The following BIN2 variants were observed in gnomAD, a reference collection of about 807,000 sequenced individuals.
The protein encoded by BIN2 is bridging integrator 2.
A neutral mutation model predicts 67.9 loss-of-function variants in BIN2; 43 were observed. The ratio of observed to expected loss-of-function variants is 0.63; its 90% CI spans 0.50 to 0.82. BIN2 has a LOEUF of 0.82. Ranked by LOEUF, BIN2 falls within the 40% of genes least tolerant of loss-of-function variation. The probability of loss-of-function intolerance (pLI) is 0.00; values close to 1 mark genes in which losing one functional copy is unlikely to be tolerated. For missense variants in BIN2, 581 were observed against 671.6 expected, an observed-to-expected ratio of 0.87 and a Z score of 1.49; for synonymous variants, 244 against 246.8, an observed-to-expected ratio of 0.99 and a Z score of 0.11.
In BIN2 at chr12:51,289,025, G is replaced by C. The variant is rs563035644; in HGVS notation, c.1516-837C>G. The stretch of plus-strand genomic sequence containing the variant: ...AGCCTCCCGAAGTGCTGGGATTACA[G>C]GCGTGAGCCACTGCGCCCGGCCCTT... On this transcript the variant is annotated intron_variant, in intron 10 of 12. Transcript: ENST00000615107. Among the ~76,000 whole-genome samples, 16 of 152,186 alleles carry C rather than the reference G, an allele frequency of 1.1e-4. No homozygotes were observed. In the South Asian group the frequency reaches 2.9e-3, roughly 28 times the overall value.
chr12:51,292,118 AG>A lies in BIN2; in HGVS notation c.987del (p.Ser330ProfsTer45), dbSNP rs965504112. ...EEIEKEGSEA[S>X]SSEEDEPLPA... is the part of the protein sequence containing the mutation. ...GGTAGAGGCTCATCTTCCTCAGAGG[AG>A]CTTGCTTCAGATCCTTCCTTCTCTA... On this transcript the variant is annotated frameshift_variant, in exon 10 of 13. Transcript: ENST00000615107. LOFTEE classifies it high-confidence loss of function. 2 of 1,613,872 alleles carry A rather than the reference AG, an allele frequency of 1.2e-6. No individual in the cohort carries two copies. Among genetic ancestry groups the A allele is most frequent in the African/African-American group, 2.7e-5 (2 of 74,860 alleles).
rs1173895595 is a variant in BIN2 at position 51,302,682 on chromosome 12, T to A, written c.312+4A>T. The A allele has an allele frequency of 6.2e-7, 1 of 1,611,926 alleles. No individual in the cohort carries two copies. Among genetic ancestry groups the A allele is most frequent in the Non-Finnish European group, 8.5e-7 (1 of 1,178,130 alleles). On this transcript the variant is annotated splice_donor_region_variant and intron_variant, in intron 4 of 12. Coordinates refer to ENST00000615107, the MANE Select transcript of BIN2 (RefSeq NM_016293.4). ...ATAAGTTGTAAAACTCAAGCCACTC[T>A]TACCCATACGATGGCCTTCAGCTCC...
chr12:51,295,633 T>C (rs1945545228), intron 9 of BIN2, among the ~76,000 whole-genome samples, 163 bp downstream of exon 9: 1 of 117,388 alleles, frequency 8.5e-6, no homozygotes, highest in African/African-American at 3.3e-5. Flanking sequence ...TATATATATT[T>C]AGTAAAAAGC....
intron 2 of BIN2, among the ~76,000 whole-genome samples, chr12:51,310,927 T>G (rs1241149089): frequency 6.6e-6 from 1 of 151,720 alleles, no homozygotes; most frequent in African/African-American, 2.4e-5. Context: ...ACCAGCTAAT[T>G]TTTGTATTTT....
chr12:51,296,538 A>G (rs1472400974), intron 8 of BIN2, among the ~76,000 whole-genome samples: 3 of 152,012 alleles, frequency 2.0e-5, no homozygotes, highest in Admixed American at 6.6e-5. Context: ...AATATTAACT[A>G]GGCAAATCAT....
intron 11 of BIN2, among the ~76,000 whole-genome samples, chr12:51,287,336 T>G (rs1169058827): frequency 6.6e-6 from 1 of 150,744 alleles, no homozygotes; most frequent in South Asian, 2.1e-4. Flanking sequence ...TTGTTTTTTT[T>G]TGTTTTTTTT....
intron 4 of BIN2, 86 bp downstream of exon 4, chr12:51,302,600 A>G (rs556688841): frequency 2.6e-6 from 3 of 1,167,628 alleles, no homozygotes; most frequent in Non-Finnish European, 3.8e-6. Context: ...TTGTTTTCCT[A>G]TTTTCTTGGA....
rs1349446482 is a variant in BIN2, at chr12:51,302,883, A to G, written c.218-103T>C. 5 of 1,209,334 alleles carry G rather than the reference A, an allele frequency of 4.1e-6. No individual in the cohort carries two copies. The African/African-American group carries it at 4.5e-5, about 11-fold the overall frequency. The allele number at this position is 1,209,334 out of a possible 1,614,324, so 74.9% of individuals were successfully genotyped here. A position where few individuals can be genotyped will look rare whatever the true frequency, so the allele number is the denominator to read the frequency against. On this transcript the variant is annotated intron_variant, in intron 3 of 12. Coordinates refer to ENST00000615107, the MANE Select transcript of BIN2 (RefSeq NM_016293.4). ...GGTTCCAATTCAGAAGGACAAACTC[A>G]GAAGGTTTAGGTTATATAAGTGAGG...
chr12:51,314,795 GT>G (rs1343420474), intron 1 of BIN2, among the ~76,000 whole-genome samples: 1 of 145,562 alleles, frequency 6.9e-6, no homozygotes, highest in Non-Finnish European at 1.5e-5. Context: ...GCGAAACTCT[GT>G]CTCAAAAAAA....
At chr12:51,287,327 TG>T (rs1212374331) in intron 11 of BIN2, among the ~76,000 whole-genome samples, 2 of 150,532 alleles carry the variant, frequency 1.3e-5, no homozygotes, top group East Asian at 4.0e-4. Flanking sequence ...AAGGAAAAGT[TG>T]TTTTTTTTTG....
At chr12:51,283,380 G>A (rs1039713741) in intron 12 of BIN2, among the ~76,000 whole-genome samples, 1 of 152,050 alleles carries the variant, frequency 6.6e-6, no homozygotes, top group African/African-American at 2.4e-5. Flanking sequence ...AGGTCCATTT[G>A]TGGTAGTGCC....
intron 5 of BIN2, among the ~76,000 whole-genome samples, chr12:51,300,828 C>A (rs145199450): frequency 6.6e-6 from 1 of 152,276 alleles, no homozygotes; most frequent in African/African-American, 2.4e-5. Flanking sequence ...GAGTCTATTT[C>A]ATTTCATTTT....
chr12:51,320,948 C>CAG (rs1185543010), intron 1 of BIN2, among the ~76,000 whole-genome samples: 37 of 151,418 alleles, frequency 2.4e-4, no homozygotes, highest in African/African-American at 8.7e-4. Context: ...CACACACACA[C>CAG]ACACAAACAC....
intron 8 of BIN2, 45 bp from the exon 9 acceptor site, chr12:51,295,923 C>G (rs749771729): frequency 1.3e-6 from 2 of 1,518,596 alleles, no homozygotes; most frequent in South Asian, 2.3e-5. Context: ...ACTGGGAACC[C>G]GAGAGTGGCA....
chr12:51,319,966 C>CTTCT (rs1272967042), intron 1 of BIN2, among the ~76,000 whole-genome samples: 11 of 151,590 alleles, frequency 7.3e-5, no homozygotes, highest in African/African-American at 1.9e-4. Context: ...TCTTTCCTTC[C>CTTCT]TTCCTTCCTT....
chr12:51,303,084 C>A lies in BIN2; in HGVS notation c.217+3G>T, dbSNP rs377310382. On this transcript the variant is annotated splice_donor_region_variant and intron_variant, in intron 3 of 12. Coordinates refer to ENST00000615107, the MANE Select transcript of BIN2 (RefSeq NM_016293.4). ...CTGGATTCTCCCATGCTGCATTGCC[C>A]ACCTTTGACTGCACTAAGGAAGTTC... 6.2e-7 allele frequency: 1 copy of A among 1,614,080 alleles called. No homozygotes were observed. Among genetic ancestry groups the A allele is most frequent in the South Asian group, 1.1e-5 (1 of 91,072 alleles).
chr12:51,288,157 A>G lies in BIN2; in HGVS notation c.1547T>C (p.Met516Thr). 1.2e-6 allele frequency: 2 copies of G among 1,613,970 alleles called. No homozygotes were observed. Among genetic ancestry groups the G allele is most frequent in the African/African-American group, 1.3e-5 (1 of 75,060 alleles). ...VASEPGEAKK[M>T]EDKEKDNKLI... ...CTTATTATCCTTTTCCTTGTCTTCC[A>G]TCTTCTTTGCCTCTCCAGGCTCTGA... Residue 516 changes from methionine (M) to threonine (T), a missense_variant, in exon 11 of 13, where the codon ATG (methionine) becomes ACG (threonine). Coordinates refer to ENST00000615107, the MANE Select transcript of BIN2 (RefSeq NM_016293.4).
intron 2 of BIN2, among the ~76,000 whole-genome samples, chr12:51,310,416 C>T (rs1465497275): frequency 1.3e-5 from 2 of 152,008 alleles, no homozygotes; most frequent in Non-Finnish European, 2.9e-5. Context: ...TTAAACAAAC[C>T]ATAAAAAGCA....
chr12:51,299,262 C>T lies in BIN2; in HGVS notation c.543G>A (p.Gln181=). 1 of 1,613,896 alleles carries T rather than the reference C, an allele frequency of 6.2e-7. No homozygotes were observed. The highest frequency in any genetic ancestry group is 8.5e-7 in the Non-Finnish European group (1 of 1,179,770). The change falls in exon 7 of 13, where the codon CAG becomes CAA. Residue 181 remains glutamine (Q), a synonymous_variant. Coordinates refer to ENST00000615107, the MANE Select transcript of BIN2 (RefSeq NM_016293.4). The part of the protein sequence containing the change: ...AKAEEEFNKA[Q]TVFEDLNQEL... The stretch of plus-strand genomic sequence containing the variant: ...CTTGGTTCAGATCTTCAAACACAGT[C>T]TGGGCTTTGTTGAACTCTTCCTCTG...
Sources: gnomAD v4.1 joint callset for allele counts (sites outside exome capture counted in the v4.1 genomes callset) on GRCh38, gnomAD v4.1.1 for gene constraint, MANE v1.5 for transcripts, NCBI Gene and HGNC (gene_info 2026-07-23, HGNC 2026-07-21) for gene names.